The following USO1 variants were observed in gnomAD, a reference collection of about 807,000 sequenced individuals.
The protein encoded by USO1 is USO1 vesicle transport factor.
USO1 carries 57 observed loss-of-function variants against 124.5 expected under a neutral mutation model. That is an observed-to-expected ratio of 0.46 (90% CI 0.37 to 0.57). USO1 has a LOEUF of 0.57. USO1 is among the 20% of genes least tolerant of loss of function. The probability of loss-of-function intolerance (pLI) is 0.00; values close to 1 mark genes in which losing one functional copy is unlikely to be tolerated. For synonymous variants in USO1, 369 were observed against 362.8 expected, an observed-to-expected ratio of 1.02 and a Z score of -0.19; for missense variants, 900 against 1,040.6, an observed-to-expected ratio of 0.86 and a Z score of 1.86.
intron 4 of USO1, among the ~76,000 whole-genome samples, chr4:75,758,239 C>T (rs780051919): frequency 1.3e-5 from 2 of 152,122 alleles, no homozygotes; most frequent in Non-Finnish European, 2.9e-5. Context: ...GCAAAACATT[C>T]GCAGTAACAT....
chr4:75,796,955 T>C (rs1553902309), intron 13 of USO1, among the ~76,000 whole-genome samples: 1 of 151,764 alleles, frequency 6.6e-6, no homozygotes, highest in Non-Finnish European at 1.5e-5. Flanking sequence ...CTCAGACTTA[T>C]CTTTTATGGC....
At position 75,775,667 on chromosome 4, in the gene USO1, G is replaced by GA. The variant is rs1025659063; in HGVS notation, c.676+879dup. Reference sequence around the variant, plus strand: ...ACTCAGCTGCCTAGGTGCAAATATAGAAAAAAAACTCAGTTTTTCACAGGG... The same window carrying GA: ...ACTCAGCTGCCTAGGTGCAAATATAGAAAAAAAAACTCAGTTTTTCACAGGG... On this transcript the variant is annotated intron_variant, in intron 8 of 23. Coordinates refer to ENST00000514213, the MANE Select transcript of USO1 (RefSeq NM_003715.4). Among the ~76,000 whole-genome samples the GA allele has an allele frequency of 5.9e-5, 9 of 151,846 alleles. No homozygotes were observed. The South Asian group carries it at 6.2e-4, about 11-fold the overall frequency.
chr4:75,788,171 ATTT>A (rs11291010), intron 10 of USO1, among the ~76,000 whole-genome samples: 1 of 123,250 alleles, frequency 8.1e-6, no homozygotes. Context: ...TTATTTATTT[ATTT>A]TTTTTTTTTT....
At chr4:75,787,230 CTG>C in intron 10 of USO1, 28 bp downstream of exon 10, 4 of 1,443,530 alleles carry the variant, frequency 2.8e-6, no homozygotes, top group Non-Finnish European at 2.7e-6. Context: ...AAAGCCAACT[CTG>C]TGGAAGTTGA....
intron 22 of USO1, among the ~76,000 whole-genome samples, chr4:75,811,416 C>T (rs188080472): frequency 4.6e-5 from 7 of 152,172 alleles, no homozygotes; most frequent in African/African-American, 1.7e-4. Flanking sequence ...TTGGCCCCCC[C>T]CAAAGTGCTG....
At chr4:75,774,539 T>A in intron 7 of USO1, 137 bp from the exon 8 acceptor site, 1 of 1,014,304 alleles carries the variant, frequency 9.9e-7, no homozygotes, top group Non-Finnish European at 1.4e-6. Context: ...ATTCTGTTCT[T>A]GTTTTCCTTA....
chr4:75,800,001 T>A (rs1245747029), intron 14 of USO1, among the ~76,000 whole-genome samples: 1 of 151,818 alleles, frequency 6.6e-6, no homozygotes, highest in Non-Finnish European at 1.5e-5. Flanking sequence ...TGGAGTGTAG[T>A]GGCGCGATCT....
At chr4:75,731,696 ATG>A (rs1219600270) in intron 1 of USO1, among the ~76,000 whole-genome samples, 4 of 152,254 alleles carry the variant, frequency 2.6e-5, no homozygotes, top group South Asian at 4.1e-4. Flanking sequence ...AGGTACAACT[ATG>A]TTTTAAATTT....
At chr4:75,754,689 CCT>C (rs1274221062) in intron 3 of USO1, among the ~76,000 whole-genome samples, 2 of 152,170 alleles carry the variant, frequency 1.3e-5, no homozygotes, top group African/African-American at 4.8e-5. Flanking sequence ...GGAACTCATT[CCT>C]CTCCTGAACC....
chr4:75,739,188 G>A (rs919220748), intron 1 of USO1, among the ~76,000 whole-genome samples: 1 of 152,248 alleles, frequency 6.6e-6, no homozygotes, highest in Middle Eastern at 3.4e-3. Context: ...TGAGCGTTAA[G>A]TAACCTTAGA....
At chr4:75,786,807 AC>A (rs1327848870) in intron 9 of USO1, among the ~76,000 whole-genome samples, 2 of 152,234 alleles carry the variant, frequency 1.3e-5, no homozygotes, top group Non-Finnish European at 2.9e-5. Context: ...TCTTTGGGAA[AC>A]AAAAATGACC....
chr4:75,811,742 C>G (rs1723156992), intron 22 of USO1, among the ~76,000 whole-genome samples: 1 of 152,122 alleles, frequency 6.6e-6, no homozygotes, highest in Non-Finnish European at 1.5e-5. Context: ...AAGCTATTTT[C>G]ATTTAATTGT....
At chr4:75,806,779 C>T (rs11097122) in intron 20 of USO1, among the ~76,000 whole-genome samples, 83,295 of 151,894 alleles carry the variant, frequency 0.55, 24,092 homozygotes, top group East Asian at 0.81. Flanking sequence ...CAGAGGTATT[C>T]CTTTTAAAAA....
intron 4 of USO1, 93 bp downstream of exon 4, chr4:75,757,666 A>G (rs1162470569): frequency 1.7e-6 from 2 of 1,190,588 alleles, no homozygotes; most frequent in Non-Finnish European, 2.1e-6. Flanking sequence ...CTTGTTTTAT[A>G]AATGTATAAG....
At chr4:75,728,161 C>T (rs1720518445) in intron 1 of USO1, among the ~76,000 whole-genome samples, 1 of 151,798 alleles carries the variant, frequency 6.6e-6, no homozygotes, top group Non-Finnish European at 1.5e-5. Context: ...TTCATTGTGT[C>T]AAGCTTTTTA....
intron 13 of USO1, among the ~76,000 whole-genome samples, chr4:75,798,835 T>TAA (rs1722762731): frequency 6.6e-6 from 1 of 152,184 alleles, no homozygotes; most frequent in Admixed American, 6.5e-5. Flanking sequence ...TTGTTTTGTT[T>TAA]TTTTAAAAAA....
chr4:75,731,285 G>A (rs1024753541), intron 1 of USO1, among the ~76,000 whole-genome samples: 1 of 152,312 alleles, frequency 6.6e-6, no homozygotes, highest in Middle Eastern at 3.4e-3. Flanking sequence ...TTCTGGGCCA[G>A]GCCTGGTGGC....
chr4:75,752,235 A>G (rs1474931419), intron 1 of USO1, 138 bp from the exon 2 acceptor site: 11 of 393,824 alleles, frequency 2.8e-5, no homozygotes, highest in Non-Finnish European at 4.9e-5. Flanking sequence ...ACCTAAATGC[A>G]TAGTTAGATT....
intron 8 of USO1, among the ~76,000 whole-genome samples, chr4:75,778,434 AAGGAAGG>A (rs1722131397): frequency 6.6e-6 from 1 of 152,182 alleles, no homozygotes; most frequent in African/African-American, 2.4e-5. Context: ...TGAGGAGCAA[AAGGAAGG>A]ATTGGTCTTG....
Sources: gnomAD v4.1 joint callset for allele counts (sites outside exome capture counted in the v4.1 genomes callset) on GRCh38, gnomAD v4.1.1 for gene constraint, MANE v1.5 for transcripts, NCBI Gene and HGNC (gene_info 2026-07-23, HGNC 2026-07-21) for gene names.